NELL1: variants seen among roughly 807,000 people sequenced by gnomAD.
NELL1 encodes neural EGFL like 1.
NELL1 carries 76 observed loss-of-function variants against 107.4 expected under a neutral mutation model. The observed-to-expected ratio is 0.71, with a 90% confidence interval of 0.59 to 0.86. NELL1 has a LOEUF of 0.86. Among genes scored for constraint, NELL1 ranks in the 40% least tolerant of loss-of-function variants. The pLI, the probability that NELL1 is intolerant of heterozygous loss-of-function variation, is 0.00. For missense variants in NELL1, 1,024 were observed against 1,005.5 expected, an observed-to-expected ratio of 1.02 and a Z score of -0.25; for synonymous variants, 353 against 341.2, an observed-to-expected ratio of 1.03 and a Z score of -0.38.
intron 12 of NELL1, among the ~76,000 whole-genome samples, chr11:20,987,261 A>G (rs969919526): frequency 1.3e-5 from 2 of 152,168 alleles, no homozygotes; most frequent in East Asian, 1.9e-4. Flanking sequence ...ACTTATTCTT[A>G]TCTAATCAAA....
At chr11:21,385,195 C>T (rs1180824777) in intron 15 of NELL1, among the ~76,000 whole-genome samples, 3 of 151,828 alleles carry the variant, frequency 2.0e-5, no homozygotes, top group African/African-American at 7.2e-5. Flanking sequence ...TATGGCTTCA[C>T]TGCCCAGCCA....
chr11:21,109,969 T>A (rs1453256192), intron 12 of NELL1, among the ~76,000 whole-genome samples: 5 of 152,102 alleles, frequency 3.3e-5, no homozygotes, highest in Non-Finnish European at 1.5e-5. Context: ...TCTGTTCCCA[T>A]CCCAAAACCG....
chr11:21,046,277 C>T (rs10833439), intron 12 of NELL1, among the ~76,000 whole-genome samples: 50,362 of 151,970 alleles, frequency 0.33, 9,436 homozygotes, highest in East Asian at 0.58. Flanking sequence ...GGCTTTTAAT[C>T]ATAAACCACA....
chr11:20,716,959 CT>C (rs1410712735), intron 2 of NELL1, among the ~76,000 whole-genome samples: 1 of 152,166 alleles, frequency 6.6e-6, no homozygotes, highest in Non-Finnish European at 1.5e-5. Context: ...CTCCATTTTT[CT>C]TTTGAACACA....
intron 4 of NELL1, among the ~76,000 whole-genome samples, chr11:20,881,844 G>A (rs1380928996): frequency 6.6e-6 from 1 of 152,086 alleles, no homozygotes; most frequent in Non-Finnish European, 1.5e-5. Context: ...AAATTTGCCT[G>A]TATGTATCCC....
chr11:21,241,695 G>C (rs1362157338), intron 14 of NELL1, among the ~76,000 whole-genome samples: 2 of 152,096 alleles, frequency 1.3e-5, no homozygotes, highest in Admixed American at 6.6e-5. Flanking sequence ...TAGAATGTGT[G>C]TGGTTCTCAC....
chr11:20,678,019 T>G lies in NELL1; in HGVS notation c.143T>G (p.Val48Gly), dbSNP rs772190440. ...AACACCACCCTTGGAGTTGCTCAGG[T>G]GTCTGGAATGCACAATGCCAGCAAA... ...LVNTTLGVAQ[V>G]SGMHNASKAF... The change falls in exon 2 of 20, where the codon GTG becomes GGG. Residue 48 changes from valine to glycine, a missense_variant. By Grantham distance (109) the Val-to-Gly change is moderately radical (BLOSUM62 -3). Transcript: ENST00000357134. 1.2e-6 allele frequency: 2 copies of G among 1,614,066 alleles called. No homozygotes were observed. Among genetic ancestry groups the G allele is most frequent in the South Asian group, 1.1e-5 (1 of 91,070 alleles).
At chr11:21,326,385 T>G (rs1015246591) in intron 14 of NELL1, among the ~76,000 whole-genome samples, 3 of 152,034 alleles carry the variant, frequency 2.0e-5, no homozygotes, top group Admixed American at 6.6e-5. Context: ...TTTTTGTTCA[T>G]GTTTAAACTA....
chr11:20,865,280 C>T (rs79892158), intron 4 of NELL1, among the ~76,000 whole-genome samples: 5,408 of 152,260 alleles, frequency 0.036, 293 homozygotes, highest in African/African-American at 0.12. Context: ...CTCATTCCTG[C>T]TAAACACCAC....
At chr11:21,418,240 G>A (rs969103759) in intron 15 of NELL1, among the ~76,000 whole-genome samples, 4 of 152,068 alleles carry the variant, frequency 2.6e-5, no homozygotes, top group African/African-American at 7.2e-5. Context: ...TGAAGCTGTC[G>A]TGCAGATGAA....
chr11:21,169,967 G>A (rs1174778997), intron 13 of NELL1: 5 of 1,419,106 alleles, frequency 3.5e-6, no homozygotes, highest in Non-Finnish European at 4.0e-6. Context: ...CTTTGTAGGG[G>A]ACAGGGACAG....
chr11:21,202,156 G>A (rs1291617444), intron 13 of NELL1, among the ~76,000 whole-genome samples: 1 of 152,124 alleles, frequency 6.6e-6, no homozygotes, highest in Non-Finnish European at 1.5e-5. Context: ...GAGTTAGAGA[G>A]GATTCCCTCT....
intron 12 of NELL1, among the ~76,000 whole-genome samples, chr11:21,006,107 A>T (rs1195347346): frequency 6.6e-6 from 1 of 152,062 alleles, no homozygotes; most frequent in Admixed American, 6.6e-5. Flanking sequence ...CCAGGATGAG[A>T]TCTGCTATGG....
At position 21,496,405 on chromosome 11, in the gene NELL1, CTTGTT is replaced by C. The variant is rs1257706502; in HGVS notation, c.1646-37966_1646-37962del. 2.1e-5 allele frequency among the ~76,000 whole-genome samples: 3 copies of C among 141,260 alleles called. No individual in the cohort carries two copies. The East Asian group carries it at 6.5e-4, about 30-fold the overall frequency. The allele number at this position is 141,260 out of a possible 152,430, so 92.7% of individuals were successfully genotyped here. ...AATTTAAACATATTTTTATTCTTCTCTTGTTTTTTTTTTTTTTTTTCTTGAGAGGA... is the reference window on the plus strand; with the variant it reads ...AATTTAAACATATTTTTATTCTTCTCTTTTTTTTTTTTTTTCTTGAGAGGA... On this transcript the variant is annotated intron_variant, in intron 15 of 19. Coordinates refer to ENST00000357134, the MANE Select transcript of NELL1 (RefSeq NM_006157.5).
In NELL1 at chr11:20,778,687, G is replaced by A. The variant is rs541087075; in HGVS notation, c.185-4993G>A. Among the ~76,000 whole-genome samples the A allele has an allele frequency of 2.6e-5, 4 of 152,066 alleles. No homozygotes were observed. The South Asian group carries it at 6.2e-4, about 24-fold the overall frequency. ...AGCATTTGGAACGCCATTTTCCCCC[G>A]TTTTAAAAATGTGAAATATTCACTT... On this transcript the variant is annotated intron_variant, in intron 2 of 19. Coordinates refer to ENST00000357134, the MANE Select transcript of NELL1 (RefSeq NM_006157.5).
chr11:20,946,425 C>T (rs1400674362), intron 10 of NELL1, among the ~76,000 whole-genome samples: 3 of 152,112 alleles, frequency 2.0e-5, no homozygotes, highest in Admixed American at 1.3e-4. Flanking sequence ...TACAAATTGG[C>T]ATCATACTAA....
intron 3 of NELL1, among the ~76,000 whole-genome samples, chr11:20,830,139 G>A (rs904820102): frequency 1.3e-5 from 2 of 151,792 alleles, no homozygotes; most frequent in Non-Finnish European, 2.9e-5. Flanking sequence ...GGGTATGGTG[G>A]TGCGTGCCTG....
chr11:21,517,107 C>G (rs1855586232), intron 15 of NELL1, among the ~76,000 whole-genome samples: 1 of 152,090 alleles, frequency 6.6e-6, no homozygotes, highest in African/African-American at 2.4e-5. Context: ...ATTCTTTAAA[C>G]AGCTGTTGAA....
chr11:20,954,726 G>C (rs1851136093), intron 11 of NELL1, among the ~76,000 whole-genome samples: 4 of 152,184 alleles, frequency 2.6e-5, no homozygotes, highest in Non-Finnish European at 5.9e-5. Context: ...ACATTTTTGA[G>C]AAGAATGGTT....
Sources: gnomAD v4.1 joint callset for allele counts (sites outside exome capture counted in the v4.1 genomes callset) on GRCh38, gnomAD v4.1.1 for gene constraint, MANE v1.5 for transcripts, NCBI Gene and HGNC (gene_info 2026-07-23, HGNC 2026-07-21) for gene names.